Variants in ZSCAN32 observed in about 807,000 individuals in gnomAD.
The protein encoded by ZSCAN32 is zinc finger and SCAN domain containing 32.
A neutral mutation model predicts 47.4 loss-of-function variants in ZSCAN32; 52 were observed. The observed-to-expected ratio is 1.10, with a 90% CI of 0.88 to 1.38. The LOEUF (loss-of-function observed/expected upper bound fraction) is 1.38. ZSCAN32 is among the 40% of genes most tolerant of loss of function. The pLI is 0.00. For missense variants in ZSCAN32, 959 were observed against 846.0 expected (o/e 1.13, Z -1.66); for synonymous variants, 346 against 305.7 (o/e 1.13, Z -1.38).
rs1311604715 is a variant in ZSCAN32, at chr16:3,382,435, T to C, written c.*417A>G. Reference sequence around the variant, plus strand: ...TTACGGTGGGTGCCTAGAGGTCAATTATTGGTTTAGAAGAGATTCAGGCCC... The same window carrying C: ...TTACGGTGGGTGCCTAGAGGTCAATCATTGGTTTAGAAGAGATTCAGGCCC... On this transcript the variant is annotated 3_prime_UTR_variant, in exon 7 of 7. Transcript: ENST00000396852. The C allele has an allele frequency of 6.4e-6, 1 of 156,018 alleles. No homozygotes were observed. The highest frequency in any genetic ancestry group is 1.4e-5 in the Non-Finnish European group (1 of 70,734). The allele number at this position is 156,018 out of a possible 1,614,324, so 9.7% of individuals were successfully genotyped here.
intron 3 of ZSCAN32, among the ~76,000 whole-genome samples, chr16:3,391,378 TA>T (rs546470929): frequency 1.3e-5 from 2 of 151,412 alleles, no homozygotes; most frequent in African/African-American, 4.9e-5. Context: ...TAACTTTGCT[TA>T]AAAAAAAACT....
intron 5 of ZSCAN32, among the ~76,000 whole-genome samples, chr16:3,386,483 C>T (rs1596451316): frequency 6.7e-6 from 1 of 150,146 alleles, no homozygotes; most frequent in Non-Finnish European, 1.5e-5. Context: ...TATAAAGACA[C>T]ATGCACACGT....
At chr16:3,395,957 C>A (rs2033332191) in intron 2 of ZSCAN32, among the ~76,000 whole-genome samples, 1 of 152,154 alleles carries the variant, frequency 6.6e-6, no homozygotes, top group African/African-American at 2.4e-5. Context: ...GCATTCATGC[C>A]ACTGCACTCC....
chr16:3,383,137 C>T lies in ZSCAN32; in HGVS notation c.1809G>A (p.Lys603=). 3 of 1,614,190 alleles carry T rather than the reference C, an allele frequency of 1.9e-6. No individual in the cohort carries two copies. Among genetic ancestry groups the T allele is most frequent in the South Asian group, 2.2e-5 (2 of 91,076 alleles). The part of the protein sequence containing the change: ...IVHQRTHTGE[K]PYQCIVCGKR... Reference sequence around the variant, plus strand: ...TTCCACAGACAATGCACTGGTAAGGCTTTTCCCCGGTATGGGTCCTCTGGT... The same window carrying T: ...TTCCACAGACAATGCACTGGTAAGGTTTTTCCCCGGTATGGGTCCTCTGGT... The change falls in exon 7 of 7, where the codon AAG becomes AAA. Residue 603 remains lysine, a synonymous_variant. Transcript: ENST00000396852.
intron 5 of ZSCAN32, among the ~76,000 whole-genome samples, chr16:3,387,300 GT>G (rs1286635552): frequency 2.0e-5 from 3 of 152,150 alleles, no homozygotes; most frequent in Non-Finnish European, 4.4e-5. Context: ...AGAGGAGCTG[GT>G]TGTAACGATA....
rs1422253125 is a variant in ZSCAN32, at chr16:3,384,668, C to T, written c.1025G>A (p.Trp342Ter). 1 of 1,614,058 alleles carries T rather than the reference C, an allele frequency of 6.2e-7. No individual in the cohort carries two copies. The highest frequency in any genetic ancestry group is 2.2e-5 in the East Asian group (1 of 44,892). Residue 342 changes from tryptophan to a stop codon, truncating the protein, a stop_gained, in exon 6 of 7, where the codon TGG (tryptophan) becomes TAG (stop). Transcript: ENST00000396852. LOFTEE classifies it high-confidence loss of function. ...YEEMNALSGS[W>*]ASAPPMASDA... ...GCTTGCCATAGGAGGTGCAGAGGCC[C>T]AGGAGCCTGAAAGAGCATTCATTTC... is the stretch of plus-strand genomic sequence containing the variant.
intron 4 of ZSCAN32, 28 bp downstream of exon 4, chr16:3,390,395 G>A: frequency 2.6e-6 from 4 of 1,535,646 alleles, no homozygotes; most frequent in South Asian, 1.2e-5. Flanking sequence ...GGGTACTCAA[G>A]AGACAGAAGG....
In ZSCAN32 at chr16:3,397,321, C is replaced by T; in HGVS notation, c.237G>A (p.Leu79=). 5.1e-6 allele frequency: 8 copies of T among 1,569,264 alleles called. No individual in the cohort carries two copies. The highest frequency in any genetic ancestry group is 6.0e-6 in the Non-Finnish European group (7 of 1,157,202). ...KTHSKEEILE[L]LVLEQFLTIL... is the part of the protein sequence containing the mutation. Reference sequence around the variant, plus strand: ...TAGTCAGAAACTGCTCCAAAACCAGCAGCTCCAGGATTTCCTCTTTTGAGT... The same window carrying T: ...TAGTCAGAAACTGCTCCAAAACCAGTAGCTCCAGGATTTCCTCTTTTGAGT... Residue 79 remains leucine, a synonymous_variant, in exon 2 of 7, where the codon CTG becomes CTA. Coordinates refer to ENST00000396852, the MANE Select transcript of ZSCAN32 (RefSeq NM_001284527.2).
rs2031409754 is a variant in ZSCAN32, at chr16:3,383,006, T to G, written c.1940A>C (p.His647Pro). 6.2e-7 allele frequency: 1 copy of G among 1,613,860 alleles called. No homozygotes were observed. Among genetic ancestry groups the G allele is most frequent in the East Asian group, 2.2e-5 (1 of 44,884 alleles). ...GTGGGTTTTTCGGTGGGCACTGAAG[T>G]GGGAGCTATTGTTGAAGATTTTCCC... ...VCGKIFNNSS[H>P]FSAHRKTHTG... is the part of the protein sequence containing the mutation. The change falls in exon 7 of 7, where the codon CAC becomes CCC. Residue 647 changes from histidine to proline, a missense_variant. Transcript: ENST00000396852.
At chr16:3,386,162 T>C (rs2031959618) in intron 5 of ZSCAN32, among the ~76,000 whole-genome samples, 2 of 152,198 alleles carry the variant, frequency 1.3e-5, no homozygotes, top group East Asian at 1.9e-4. Flanking sequence ...AAAGAAGACA[T>C]TTATGCAGCC....
intron 1 of ZSCAN32, among the ~76,000 whole-genome samples, chr16:3,398,540 G>C (rs546334749): frequency 1.3e-5 from 2 of 152,218 alleles, no homozygotes; most frequent in South Asian, 4.1e-4. Context: ...TGACAAACTG[G>C]CTTTATCTAG....
At chr16:3,386,443 G>A (rs1223097868) in intron 5 of ZSCAN32, among the ~76,000 whole-genome samples, 2 of 152,122 alleles carry the variant, frequency 1.3e-5, no homozygotes, top group Admixed American at 6.6e-5. Flanking sequence ...ATTACTAGGT[G>A]TATACCCAAA....
chr16:3,391,472 G>C (rs2032688295), intron 3 of ZSCAN32, among the ~76,000 whole-genome samples: 1 of 152,082 alleles, frequency 6.6e-6, no homozygotes, highest in Non-Finnish European at 1.5e-5. Flanking sequence ...GAGGTCAGGA[G>C]TTCGAGACCA....
At chr16:3,399,489 G>C (rs1036150449) in intron 1 of ZSCAN32, among the ~76,000 whole-genome samples, 1 of 152,190 alleles carries the variant, frequency 6.6e-6, no homozygotes, top group Non-Finnish European at 1.5e-5. Context: ...ATATACTCAA[G>C]TCTTGACAAC....
chr16:3,388,303 T>C (rs999646299), intron 5 of ZSCAN32, among the ~76,000 whole-genome samples: 3 of 152,238 alleles, frequency 2.0e-5, no homozygotes, highest in South Asian at 4.1e-4. Flanking sequence ...TCTTCCTCCA[T>C]GTAGGATATG....
At position 3,392,776 on chromosome 16, in the gene ZSCAN32, A is replaced by G. The variant is rs1218544332; in HGVS notation, c.532+873T>C. On this transcript the variant is annotated intron_variant, in intron 3 of 6. Coordinates refer to ENST00000396852, the MANE Select transcript of ZSCAN32 (RefSeq NM_001284527.2). Reference sequence around the variant, plus strand: ...GGGAGGCAGAGCTTGCAGTAAGCCAAGATCGCATTACTGCACTCCAGCCTG... The same window carrying G: ...GGGAGGCAGAGCTTGCAGTAAGCCAGGATCGCATTACTGCACTCCAGCCTG... Among the ~76,000 whole-genome samples, 14 of 152,088 alleles carry G rather than the reference A, an allele frequency of 9.2e-5. No homozygotes were observed. In the East Asian group the frequency reaches 2.7e-3, roughly 29 times the overall value.
In ZSCAN32 at chr16:3,382,932, T is replaced by C. The variant is rs1346484974; in HGVS notation, c.2014A>G (p.Lys672Glu). The change falls in exon 7 of 7, where the codon AAG (lysine) becomes GAG (glutamate). Residue 672 changes from lysine to glutamate, a missense_variant. Lys to Glu is a moderately conservative substitution (Grantham distance 56). Transcript: ENST00000396852. ...TGATGACGGGTGAGGGCAGAGTTCTTAGTGAAGCCTCTCTCACAGTGAGAA... is the reference window on the plus strand; with the variant it reads ...TGATGACGGGTGAGGGCAGAGTTCTCAGTGAAGCCTCTCTCACAGTGAGAA... The part of the protein sequence containing the change: ...RCSHCERGFT[K>E]NSALTRHQTV... The C allele has an allele frequency of 6.2e-7, 1 of 1,613,236 alleles. No individual in the cohort carries two copies. The highest frequency in any genetic ancestry group is 8.5e-7 in the Non-Finnish European group (1 of 1,179,540).
intron 2 of ZSCAN32, among the ~76,000 whole-genome samples, chr16:3,396,372 G>T (rs954947143): frequency 1.3e-5 from 2 of 152,026 alleles, no homozygotes; most frequent in South Asian, 4.1e-4. Flanking sequence ...TCTTCCCACA[G>T]CCCGTGCACA....
intron 1 of ZSCAN32, among the ~76,000 whole-genome samples, chr16:3,399,123 TG>T (rs1185403661): frequency 6.6e-6 from 1 of 152,152 alleles, no homozygotes; most frequent in Non-Finnish European, 1.5e-5. Context: ...CTCGGGAGGC[TG>T]AGGCAGGAGA....
Sources: allele counts gnomAD v4.1 joint callset (sites outside exome capture counted in the v4.1 genomes callset), GRCh38; gene constraint gnomAD v4.1.1; transcripts MANE v1.5; gene names NCBI Gene and HGNC (gene_info 2026-07-23, HGNC 2026-07-21).